ATM: variants seen among roughly 807,000 people sequenced by gnomAD.
ATM encodes the protein ATM serine/threonine kinase, also known as serine-protein kinase ATM.
Under a neutral mutation model 387.0 loss-of-function variants are expected in ATM, and 308 were observed. That is an observed-to-expected ratio of 0.80 (90% CI 0.73 to 0.87). ATM has a LOEUF of 0.87. Among genes scored for constraint, ATM ranks in the 40% least tolerant of loss-of-function variants. ATM has a pLI of 0.00. For synonymous variants in ATM, 1,156 were observed against 1,187.3 expected, an observed-to-expected ratio of 0.97 and a Z score of 0.54; for missense variants, 3,312 against 3,560.9, an observed-to-expected ratio of 0.93 and a Z score of 1.78.
intron 11 of ATM, among the ~76,000 whole-genome samples, chr11:108,252,445 G>A (rs1190346152): frequency 6.6e-6 from 1 of 152,160 alleles, no homozygotes; most frequent in African/African-American, 2.4e-5. Flanking sequence ...TAAGCACTAG[G>A]ATAAAGGAAT....
At chr11:108,305,501 AC>A (rs1233018894) in intron 37 of ATM, among the ~76,000 whole-genome samples, 1 of 151,898 alleles carries the variant, frequency 6.6e-6, no homozygotes, top group East Asian at 1.9e-4. Flanking sequence ...AATCACTTGA[AC>A]TCAGGAGGTA....
chr11:108,350,755 A>G (rs371406), intron 59 of ATM, among the ~76,000 whole-genome samples: 94,437 of 151,866 alleles, frequency 0.62, 29,664 homozygotes, highest in Middle Eastern at 0.76. Flanking sequence ...GAATGAAAGG[A>G]GAGTGGTCTG....
chr11:108,337,012 T>C (rs954799943), intron 56 of ATM, among the ~76,000 whole-genome samples: 4 of 152,250 alleles, frequency 2.6e-5, no homozygotes, highest in African/African-American at 9.6e-5. Flanking sequence ...CTTTTTTATA[T>C]ATTTCTAGTT....
intron 4 of ATM, among the ~76,000 whole-genome samples, chr11:108,232,829 C>G (rs2079082022): frequency 6.6e-6 from 1 of 151,518 alleles, no homozygotes; most frequent in Non-Finnish European, 1.5e-5. Context: ...GTGTGAGCCA[C>G]CACACTCACA....
chr11:108,249,142 C>T (rs773842517), intron 9 of ATM, 40 bp downstream of exon 9: 6 of 1,607,644 alleles, frequency 3.7e-6, no homozygotes, highest in Admixed American at 1.7e-5. Flanking sequence ...TCATTTTAAT[C>T]TCTTGTATGT....
chr11:108,350,183 T>C (rs942101295), intron 59 of ATM, among the ~76,000 whole-genome samples: 1 of 152,068 alleles, frequency 6.6e-6, no homozygotes, highest in African/African-American at 2.4e-5. Flanking sequence ...GTGGAGCCAA[T>C]AGGGTTGTTG....
At chr11:108,236,137 A>G (rs530369248) in intron 5 of ATM, 2 of 407,106 alleles carry the variant, frequency 4.9e-6, no homozygotes, top group South Asian at 4.4e-5. Context: ...CAGAGTTCAT[A>G]ATGTGCTGTG....
At chr11:108,322,305 G>C (rs1186903263) in intron 45 of ATM, among the ~76,000 whole-genome samples, 1 of 151,860 alleles carries the variant, frequency 6.6e-6, no homozygotes, top group Non-Finnish European at 1.5e-5. Context: ...TAGGTGCCCC[G>C]ACAATGCCTG....
At chr11:108,270,954 A>G (rs2081540362) in intron 18 of ATM, 110 bp from the exon 19 acceptor site, 2 of 872,204 alleles carry the variant, frequency 2.3e-6, no homozygotes, top group East Asian at 2.6e-5. Context: ...TCAGCCTCCC[A>G]AAGTGCTGGG....
At chr11:108,304,626 T>G in intron 36 of ATM, 49 bp from the exon 37 acceptor site, 1 of 1,559,216 alleles carries the variant, frequency 6.4e-7, no homozygotes, top group Non-Finnish European at 8.8e-7. Context: ...TGTATTAATT[T>G]TACTCATTTT....
At chr11:108,252,090 C>T (rs2080185559) in intron 11 of ATM, 59 bp downstream of exon 11, 2 of 1,467,632 alleles carry the variant, frequency 1.4e-6, no homozygotes, top group African/African-American at 2.8e-5. Context: ...AGGCTCTCTC[C>T]ACTTATTTGA....
At position 108,295,076 on chromosome 11, in the gene ATM, A is replaced by G. The variant is rs550300834; in HGVS notation, c.4909+17A>G. The stretch of plus-strand genomic sequence containing the variant: ...CTTCTCAGGGTGCTAATTTTAAATG[A>G]CATGGGCTATTTCTACCTGTTTCTT... On this transcript the variant is annotated intron_variant, in intron 32 of 62. Coordinates refer to ENST00000675843, the MANE Select transcript of ATM (RefSeq NM_000051.4). 4 of 1,613,530 alleles carry G rather than the reference A, an allele frequency of 2.5e-6. No homozygotes were observed. The highest frequency in any genetic ancestry group is 2.2e-5 in the South Asian group (2 of 91,042).
At position 108,246,963 on chromosome 11, in the gene ATM, G is replaced by T. The variant is rs1064793518; in HGVS notation, c.902-1G>T. ...TTACATTTTAATTTTTTGGATTACAGGTGCTTATGAATCAACAAAATGGAG... is the reference window on the plus strand; with the variant it reads ...TTACATTTTAATTTTTTGGATTACATGTGCTTATGAATCAACAAAATGGAG... On this transcript the variant is annotated splice_acceptor_variant, in intron 7 of 62. Transcript: ENST00000675843. LOFTEE classifies it high-confidence loss of function. The T allele has an allele frequency of 2.5e-6, 4 of 1,607,516 alleles. No individual in the cohort carries two copies. Among genetic ancestry groups the T allele is most frequent in the Non-Finnish European group, 3.4e-6 (4 of 1,175,702 alleles).
intron 31 of ATM, among the ~76,000 whole-genome samples, chr11:108,293,715 G>A (rs1378707186): frequency 1.2e-4 from 18 of 150,882 alleles, no homozygotes; most frequent in South Asian, 4.2e-4. Flanking sequence ...GCGAAACCCC[G>A]TCTCTACAAA....
chr11:108,312,392 G>A lies in ATM; in HGVS notation c.5919-19G>A, dbSNP rs1679583556. On this transcript the variant is annotated intron_variant, in intron 39 of 62. Transcript: ENST00000675843. ...AAATAGTATGTTCTCATTAAAAGAG[G>A]TGTTCTTGTGACAAACAGAAGTCTT... 1 of 1,518,476 alleles carries A rather than the reference G, an allele frequency of 6.6e-7. No homozygotes were observed. The highest frequency in any genetic ancestry group is 1.7e-5 in the Admixed American group (1 of 59,832). 94.1% of individuals were successfully genotyped at this position (1,518,476 alleles called of 1,614,324 possible). A position where few individuals can be genotyped will look rare whatever the true frequency, so the allele number is the denominator to read the frequency against.
chr11:108,283,308 A>G (rs908721592), intron 25 of ATM, among the ~76,000 whole-genome samples: 4 of 152,144 alleles, frequency 2.6e-5, no homozygotes, highest in African/African-American at 9.7e-5. Context: ...CCTCTTAGTT[A>G]TTACTTCTAT....
chr11:108,252,712 A>C (rs2080220865), intron 11 of ATM, 105 bp from the exon 12 acceptor site: 1 of 811,306 alleles, frequency 1.2e-6, no homozygotes, highest in Non-Finnish European at 2.0e-6. Flanking sequence ...CTAGGATCCA[A>C]ATTTTAGAAG....
chr11:108,279,343 G>A, intron 22 of ATM, 148 bp from the exon 23 acceptor site: 1 of 663,926 alleles, frequency 1.5e-6, no homozygotes, highest in Admixed American at 2.4e-5. Context: ...AATAAACTCA[G>A]GTTTTGTTAG....
At position 108,365,395 on chromosome 11, in the gene ATM, G is replaced by T. The variant is rs1386313592; in HGVS notation, c.9058G>T (p.Val3020Leu). Residue 3020 changes from valine (V) to leucine (L), a missense_variant, in exon 63 of 63, where the codon GTG becomes TTG. Transcript: ENST00000675843. Reference protein sequence around the residue: ...LMRLQEKLKGVEEGTVLSVGG... With the variant: ...LMRLQEKLKGLEEGTVLSVGG... ...GAGACTACAAGAGAAACTGAAAGGA[G>T]TGGAAGAAGGCACTGTGCTCAGTGT... The T allele has an allele frequency of 3.1e-6, 5 of 1,614,090 alleles. No homozygotes were observed. Among genetic ancestry groups the T allele is most frequent in the Non-Finnish European group, 4.2e-6 (5 of 1,180,054 alleles).
Sources: gnomAD v4.1 joint callset for allele counts (sites outside exome capture counted in the v4.1 genomes callset) on GRCh38, gnomAD v4.1.1 for gene constraint, MANE v1.5 for transcripts, NCBI Gene and HGNC (gene_info 2026-07-23, HGNC 2026-07-21) for gene names.